Variants in WDR72 observed in about 807,000 individuals in gnomAD.
WDR72 encodes WD repeat domain 72.
A neutral mutation model predicts 124.2 loss-of-function variants in WDR72; 120 were observed. The observed-to-expected ratio is 0.97, with a 90% CI of 0.83 to 1.12. WDR72 has a LOEUF of 1.12. WDR72 is among the 50% of genes most tolerant of loss of function. The probability of loss-of-function intolerance (pLI) is 0.00; values close to 1 mark genes in which losing one functional copy is unlikely to be tolerated. For synonymous variants in WDR72, 452 were observed against 441.7 expected (o/e 1.02, Z -0.29); for missense variants, 1,387 against 1,278.8 (o/e 1.08, Z -1.29).
chr15:53,554,550 G>A, intron 18 of WDR72, among the ~76,000 whole-genome samples: 1 of 152,074 alleles, frequency 6.6e-6, no homozygotes, highest in East Asian at 1.9e-4. Context: ...CAAAAATTTT[G>A]CTTTGTGCAT....
chr15:53,748,590 C>A (rs564773128), intron 1 of WDR72, among the ~76,000 whole-genome samples: 1 of 152,222 alleles, frequency 6.6e-6, no homozygotes, highest in East Asian at 1.9e-4. Flanking sequence ...CAAAACTCCA[C>A]CCTAACTGAG....
chr15:53,656,885 C>T (rs2015437855), intron 14 of WDR72, among the ~76,000 whole-genome samples: 1 of 152,006 alleles, frequency 6.6e-6, no homozygotes, highest in South Asian at 2.1e-4. Context: ...AAATAATAAC[C>T]TCTTTAAGTA....
At chr15:53,701,559 T>TCACACA (rs58047374) in intron 12 of WDR72, among the ~76,000 whole-genome samples, 16 of 120,166 alleles carry the variant, frequency 1.3e-4, no homozygotes, top group South Asian at 3.2e-4. Flanking sequence ...TCTCTCTCTC[T>TCACACA]CACACACACA....
At chr15:53,632,872 T>C (rs949744029) in intron 14 of WDR72, among the ~76,000 whole-genome samples, 1 of 152,282 alleles carries the variant, frequency 6.6e-6, no homozygotes, top group Non-Finnish European at 1.5e-5. Flanking sequence ...TACCCAATGT[T>C]TGTACCCCCA....
At chr15:53,683,291 G>C (rs909162075) in intron 13 of WDR72, among the ~76,000 whole-genome samples, 1 of 152,038 alleles carries the variant, frequency 6.6e-6, no homozygotes, top group Non-Finnish European at 1.5e-5. Context: ...AGGGTGACTA[G>C]AATTAACTGC....
intron 13 of WDR72, 65 bp from the exon 14 acceptor site, chr15:53,665,833 C>T: frequency 6.8e-7 from 1 of 1,479,040 alleles, no homozygotes; most frequent in South Asian, 1.1e-5. Context: ...TAAGACAGAA[C>T]AAACACTCTT....
chr15:53,537,189 G>C (rs1892808276), intron 18 of WDR72, among the ~76,000 whole-genome samples: 1 of 152,094 alleles, frequency 6.6e-6, no homozygotes, highest in Admixed American at 6.5e-5. Flanking sequence ...AATCCTTAAA[G>C]CCCATGATTG....
intron 13 of WDR72, among the ~76,000 whole-genome samples, chr15:53,676,997 T>G (rs577230467): frequency 2.9e-4 from 43 of 150,744 alleles, no homozygotes; most frequent in African/African-American, 1.0e-3. Context: ...CTCGGCTCAC[T>G]GCAAGCTCTG....
intron 14 of WDR72, among the ~76,000 whole-genome samples, chr15:53,658,310 T>C (rs969723881): frequency 2.2e-4 from 34 of 152,188 alleles, no homozygotes; most frequent in Admixed American, 2.2e-3. Context: ...CAGCTCGCAA[T>C]GGTAGAGAAA....
chr15:53,611,565 G>C (rs2013539869), intron 16 of WDR72, among the ~76,000 whole-genome samples: 1 of 152,076 alleles, frequency 6.6e-6, no homozygotes, highest in African/African-American at 2.4e-5. Flanking sequence ...AAGGAGAAAG[G>C]AGGCAACCCA....
intron 5 of WDR72, among the ~76,000 whole-genome samples, chr15:53,714,847 A>G (rs543859059): frequency 6.6e-6 from 1 of 152,302 alleles, no homozygotes; most frequent in South Asian, 2.1e-4. Flanking sequence ...AATTATCAAT[A>G]CTACATCTAG....
chr15:53,738,430 A>T (rs1393928745), intron 1 of WDR72, among the ~76,000 whole-genome samples: 1 of 152,190 alleles, frequency 6.6e-6, no homozygotes, highest in Non-Finnish European at 1.5e-5. Flanking sequence ...GGCAAGTTTG[A>T]TAAGGAAGGC....
chr15:53,539,412 G>GA (rs1429684941), intron 18 of WDR72, among the ~76,000 whole-genome samples: 2 of 152,032 alleles, frequency 1.3e-5, no homozygotes, highest in African/African-American at 4.8e-5. Flanking sequence ...TGATCAGAGG[G>GA]ATATGGAGAG....
At chr15:53,759,943 G>T (rs986660365), upstream of WDR72, among the ~76,000 whole-genome samples, 2 of 151,918 alleles carry the variant, frequency 1.3e-5, no homozygotes, top group African/African-American at 2.4e-5. Context: ...AATTAGTTAG[G>T]GGGGGTTAGA....
At chr15:53,573,961 T>A (rs1409189028) in intron 18 of WDR72, among the ~76,000 whole-genome samples, 1 of 152,240 alleles carries the variant, frequency 6.6e-6, no homozygotes, top group Non-Finnish European at 1.5e-5. Context: ...CTCTGGAAAG[T>A]CAGCTGGAAA....
At chr15:53,595,385 T>C (rs1308581090) in intron 18 of WDR72, among the ~76,000 whole-genome samples, 1 of 152,084 alleles carries the variant, frequency 6.6e-6, no homozygotes, top group African/African-American at 2.4e-5. Flanking sequence ...CCCAAGTAGC[T>C]GGGACTGCAG....
chr15:53,699,311 C>T (rs1361976138), intron 13 of WDR72, among the ~76,000 whole-genome samples: 1 of 152,130 alleles, frequency 6.6e-6, no homozygotes, highest in Non-Finnish European at 1.5e-5. Flanking sequence ...TTTTCAGTTT[C>T]CCTGACTCAA....
chr15:53,564,197 G>A (rs1055209852), intron 18 of WDR72, among the ~76,000 whole-genome samples: 1 of 151,810 alleles, frequency 6.6e-6, no homozygotes, highest in Non-Finnish European at 1.5e-5. Context: ...GGGGTCTAAT[G>A]GCTATCATCT....
chr15:53,536,315 C>T (rs1432710095), intron 18 of WDR72, among the ~76,000 whole-genome samples: 3 of 152,014 alleles, frequency 2.0e-5, no homozygotes, highest in Non-Finnish European at 4.4e-5. Context: ...TTAAATACTT[C>T]GATATTATTC....
Sources: gnomAD v4.1 joint callset for allele counts (sites outside exome capture counted in the v4.1 genomes callset) on GRCh38, gnomAD v4.1.1 for gene constraint, MANE v1.5 for transcripts, NCBI Gene and HGNC (gene_info 2026-07-23, HGNC 2026-07-21) for gene names.